DLG2: variants seen among roughly 807,000 people sequenced by gnomAD.
The protein encoded by DLG2 is discs large MAGUK scaffold protein 2.
In DLG2, 45 loss-of-function variants were observed where a neutral mutation model predicts 132.5. The observed-to-expected ratio is 0.34, with a 90% CI of 0.27 to 0.44. The LOEUF (loss-of-function observed/expected upper bound fraction) is 0.44, where lower values mean the gene tolerates loss of function less well. DLG2 is among the 20% of genes least tolerant of loss of function. DLG2 has a pLI of 1.00. For missense variants in DLG2, 1,045 were observed against 1,196.9 expected, an observed-to-expected ratio of 0.87 and a Z score of 1.87; for synonymous variants, 424 against 419.6, an observed-to-expected ratio of 1.01 and a Z score of -0.13.
At chr11:84,939,327 T>C (rs896963547) in intron 6 of DLG2, among the ~76,000 whole-genome samples, 2 of 152,172 alleles carry the variant, frequency 1.3e-5, no homozygotes, top group Non-Finnish European at 2.9e-5. Flanking sequence ...TATAGAGACA[T>C]ACATTGCATA....
intron 8 of DLG2, among the ~76,000 whole-genome samples, chr11:84,169,387 G>C (rs2095758714): frequency 6.6e-6 from 1 of 152,140 alleles, no homozygotes; most frequent in Admixed American, 6.5e-5. Context: ...AAATTTGTCT[G>C]ATCAAATACT....
intron 18 of DLG2, among the ~76,000 whole-genome samples, chr11:83,648,835 G>A (rs1233861466): frequency 6.6e-6 from 1 of 152,140 alleles, no homozygotes; most frequent in African/African-American, 2.4e-5. Context: ...GGAAAAGGCA[G>A]GGTGGAAGGT....
At chr11:84,819,103 ACAC>A (rs2077398259) in intron 6 of DLG2, among the ~76,000 whole-genome samples, 1 of 148,894 alleles carries the variant, frequency 6.7e-6, no homozygotes, top group South Asian at 2.1e-4. Flanking sequence ...ACACACACAC[ACAC>A]AATTTCGTTT....
intron 22 of DLG2, among the ~76,000 whole-genome samples, chr11:83,476,973 A>C (rs2092672319): frequency 6.6e-6 from 1 of 152,134 alleles, no homozygotes; most frequent in South Asian, 2.1e-4. Flanking sequence ...AATATGCACC[A>C]TTTTGACTGA....
At chr11:85,323,473 C>T (rs1028634391) in intron 3 of DLG2, among the ~76,000 whole-genome samples, 2 of 152,212 alleles carry the variant, frequency 1.3e-5, no homozygotes, top group African/African-American at 4.8e-5. Context: ...TATCTACCAA[C>T]ACAAATATTT....
intron 3 of DLG2, among the ~76,000 whole-genome samples, chr11:85,461,333 T>C (rs550130019): frequency 6.6e-6 from 1 of 152,336 alleles, no homozygotes; most frequent in Admixed American, 6.5e-5. Context: ...AAGAATACAG[T>C]TGAGGGAGAA....
chr11:83,620,637 G>A (rs907952967), intron 19 of DLG2, among the ~76,000 whole-genome samples: 3 of 151,918 alleles, frequency 2.0e-5, no homozygotes, highest in South Asian at 2.1e-4. Context: ...TTGGAAGGCC[G>A]AGGCGGGCGG....
intron 6 of DLG2, among the ~76,000 whole-genome samples, chr11:84,598,610 T>G (rs923391933): frequency 1.3e-5 from 2 of 152,100 alleles, no homozygotes; most frequent in Non-Finnish European, 2.9e-5. Flanking sequence ...TCTGATAATA[T>G]TTTAGTTACT....
intron 8 of DLG2, among the ~76,000 whole-genome samples, chr11:84,200,635 T>G (rs2213113): frequency 0.72 from 109,747 of 152,014 alleles, 41,651 homozygotes; most frequent in Middle Eastern, 0.87. Flanking sequence ...AGCAGTGGTT[T>G]GTAGTTCTCC....
chr11:84,390,533 G>T (rs139034735), intron 7 of DLG2, among the ~76,000 whole-genome samples: 2,183 of 152,220 alleles, frequency 0.014, 132 homozygotes, highest in Non-Finnish European at 7.5e-3. Context: ...AGGAAAAACT[G>T]TATGAGTTTC....
At chr11:83,543,138 C>T (rs2096130716) in intron 19 of DLG2, among the ~76,000 whole-genome samples, 1 of 152,138 alleles carries the variant, frequency 6.6e-6, no homozygotes, top group Non-Finnish European at 1.5e-5. Flanking sequence ...TCCCTTCTTT[C>T]ATTAACACTG....
chr11:84,729,603 T>C (rs977974237), intron 6 of DLG2, among the ~76,000 whole-genome samples: 1 of 151,944 alleles, frequency 6.6e-6, no homozygotes, highest in African/African-American at 2.4e-5. Context: ...AAGTCCTCTA[T>C]GTCCACTCAC....
intron 6 of DLG2, among the ~76,000 whole-genome samples, chr11:85,072,864 C>T (rs1419567960): frequency 6.6e-6 from 1 of 151,834 alleles, no homozygotes; most frequent in Non-Finnish European, 1.5e-5. Flanking sequence ...AATGACATTT[C>T]ATCATTTGAT....
chr11:84,009,286 AAAAC>A (rs971315762), intron 11 of DLG2, among the ~76,000 whole-genome samples: 1 of 151,998 alleles, frequency 6.6e-6, no homozygotes, highest in Non-Finnish European at 1.5e-5. Context: ...TTCAAGATGC[AAAAC>A]AAACAAACAC....
intron 6 of DLG2, among the ~76,000 whole-genome samples, chr11:84,765,414 T>C (rs1473700797): frequency 1.3e-5 from 2 of 152,068 alleles, no homozygotes; most frequent in African/African-American, 2.4e-5. Context: ...CATCTGATAG[T>C]ACTGACTCAG....
chr11:83,503,492 ATCACAAGG>A (rs2094554359), intron 21 of DLG2, among the ~76,000 whole-genome samples: 1 of 149,572 alleles, frequency 6.7e-6, no homozygotes, highest in Non-Finnish European at 1.5e-5. Flanking sequence ...AACTTACAAG[ATCACAAGG>A]TCTCACAATA....
intron 15 of DLG2, among the ~76,000 whole-genome samples, chr11:83,886,450 A>G (rs1022516321): frequency 3.3e-5 from 5 of 152,238 alleles, no homozygotes; most frequent in African/African-American, 1.2e-4. Flanking sequence ...TCATAAAGCA[A>G]GTCCTGAGTG....
At chr11:84,189,195 A>G (rs1597043961) in intron 8 of DLG2, among the ~76,000 whole-genome samples, 1 of 152,228 alleles carries the variant, frequency 6.6e-6, no homozygotes, top group East Asian at 1.9e-4. Context: ...TCAACAAGAC[A>G]TACATGCAGC....
intron 7 of DLG2, chr11:84,317,203 T>G: frequency 6.5e-7 from 1 of 1,540,506 alleles, no homozygotes; most frequent in Non-Finnish European, 8.7e-7. Context: ...GTCTCCTCCC[T>G]CACACCCCTT....
Sources: allele counts gnomAD v4.1 joint callset (sites outside exome capture counted in the v4.1 genomes callset), GRCh38; gene constraint gnomAD v4.1.1; transcripts MANE v1.5; gene names NCBI Gene and HGNC (gene_info 2026-07-23, HGNC 2026-07-21).